Variants in PARP1 observed in about 807,000 individuals in gnomAD.
The protein encoded by PARP1 is poly [ADP-ribose] polymerase 1.
In PARP1, 44 loss-of-function variants were observed where a neutral mutation model predicts 118.7. That is an observed-to-expected ratio of 0.37 (90% confidence interval 0.29 to 0.48). PARP1 has a LOEUF of 0.48. Among genes scored for constraint, PARP1 ranks in the 20% least tolerant of loss-of-function variants. The pLI is 0.99. For synonymous variants in PARP1, 492 were observed against 483.2 expected, an observed-to-expected ratio of 1.02 and a Z score of -0.24; for missense variants, 1,100 against 1,272.4, an observed-to-expected ratio of 0.86 and a Z score of 2.06.
intron 8 of PARP1, among the ~76,000 whole-genome samples, chr1:226,382,516 G>A (rs771640625): frequency 6.6e-6 from 1 of 152,140 alleles, no homozygotes; most frequent in East Asian, 1.9e-4. Context: ...AGAGCTGCTT[G>A]TTCTTCTACA....
chr1:226,404,578 G>A (rs1315615912), intron 1 of PARP1, among the ~76,000 whole-genome samples: 2 of 152,202 alleles, frequency 1.3e-5, no homozygotes, highest in African/African-American at 4.8e-5. Context: ...CACCCTGGAG[G>A]TGCTGCCCAA....
In PARP1 at chr1:226,361,264, C is replaced by A. The variant is rs55917000; in HGVS notation, c.*196G>T. The A allele has an allele frequency of 4.4e-4, 280 of 642,210 alleles. No individual in the cohort carries two copies. The highest frequency in any genetic ancestry group is 7.0e-4 in the Non-Finnish European group (247 of 352,806). 39.8% of individuals were successfully genotyped at this position (642,210 alleles called of 1,614,324 possible). A position where few individuals can be genotyped will look rare whatever the true frequency, so the allele number is the denominator to read the frequency against. ...CAAAAACAACCCCAAAACAACCCCTCCCCACAGACACAACACAAAACAAGG... is the reference window on the plus strand; with the variant it reads ...CAAAAACAACCCCAAAACAACCCCTACCCACAGACACAACACAAAACAAGG... On this transcript the variant is annotated 3_prime_UTR_variant, in exon 23 of 23. Coordinates refer to ENST00000366794, the MANE Select transcript of PARP1 (RefSeq NM_001618.4).
Position 226,366,019 on chromosome 1 carries a change from T to C in PARP1, c.2440A>G (p.Ile814Val), listed in dbSNP as rs200630156. 35 of 1,613,520 alleles carry C rather than the reference T, an allele frequency of 2.2e-5. No homozygotes were observed. In the East Asian group the frequency reaches 7.8e-4, roughly 36 times the overall value. Residue 814 changes from isoleucine (I) to valine (V), a missense_variant, in exon 18 of 23, where the codon ATC becomes GTC. Physicochemically the swap from Ile to Val is conservative, Grantham distance 29. Around this residue, in one of 2 missense-constraint regions of PARP1, gnomAD observed 948 missense variants for 1,031.8 expected, o/e 0.92. Coordinates refer to ENST00000366794, the MANE Select transcript of PARP1 (RefSeq NM_001618.4). ...VDRDSEEAEI[I>V]RKYVKNTHAT... ...TGAGTGTTCTTAACATACTTCCTGA[T>C]GATCTCGGCTTCTTCAGAATCTCTG...
Position 226,360,883 on chromosome 1 carries a change from C to G in PARP1, c.*577G>C. On this transcript the variant is annotated 3_prime_UTR_variant, in exon 23 of 23. Coordinates refer to ENST00000366794, the MANE Select transcript of PARP1 (RefSeq NM_001618.4). ...TGGAGAAGGAAAGCTCTTTTTGTTT[C>G]TAAGTATGAGAAATTGTTAGCGTTC... is the stretch of plus-strand genomic sequence containing the variant. 4.4e-6 allele frequency: 1 copy of G among 226,950 alleles called. No individual in the cohort carries two copies. The highest frequency in any genetic ancestry group is 8.8e-6 in the Non-Finnish European group (1 of 114,202). 14.1% of individuals were successfully genotyped at this position (226,950 alleles called of 1,614,324 possible). A position where few individuals can be genotyped will look rare whatever the true frequency, so the allele number is the denominator to read the frequency against.
intron 9 of PARP1, among the ~76,000 whole-genome samples, chr1:226,380,589 C>A (rs1455381509): frequency 6.6e-6 from 1 of 152,182 alleles, no homozygotes; most frequent in Non-Finnish European, 1.5e-5. Context: ...GATATCTATG[C>A]ACATCTTACA....
Position 226,381,123 on chromosome 1 carries a change from G to A in PARP1, c.1245C>T (p.Leu415=), listed in dbSNP as rs61731503. The A allele has an allele frequency of 1.1e-3, 1,710 of 1,614,116 alleles. 17 individuals carry two copies. In the African/African-American group the frequency reaches 0.02, roughly 19 times the overall value. ...KDEVKAMIEK[L]GGKLTGTANK... The stretch of plus-strand genomic sequence containing the variant: ...TGGCCGTCCCCGTCAACTTCCCCCC[G>A]AGTTTCTCAATCATGGCCTTCACTT... Residue 415 remains leucine (L), a synonymous_variant, in exon 9 of 23, where the codon CTC becomes CTT. Transcript: ENST00000366794.
intron 2 of PARP1, chr1:226,392,671 C>A (rs1664842197): frequency 5.6e-6 from 3 of 537,362 alleles, no homozygotes; most frequent in Non-Finnish European, 9.8e-6. Context: ...TGACGTCTCA[C>A]TAAGGCTTCT....
intron 15 of PARP1, 43 bp downstream of exon 15, chr1:226,370,391 C>T: frequency 6.8e-7 from 1 of 1,470,338 alleles, no homozygotes; most frequent in Non-Finnish European, 9.5e-7. Flanking sequence ...CCTAAGTCGG[C>T]CAGAGGAGGG....
intron 1 of PARP1, among the ~76,000 whole-genome samples, chr1:226,403,060 G>A (rs576766143): frequency 6.6e-6 from 1 of 152,342 alleles, no homozygotes; most frequent in South Asian, 2.1e-4. Flanking sequence ...CTGGCCTTCT[G>A]GGGCGCAGTT....
At position 226,367,748 on chromosome 1, in the gene PARP1, T is replaced by C. The variant is rs1576391390; in HGVS notation, c.2278-140A>G. 21 of 927,402 alleles carry C rather than the reference T, an allele frequency of 2.3e-5. No homozygotes were observed. In the East Asian group the frequency reaches 5.2e-4, roughly 23 times the overall value. The allele number at this position is 927,402 out of a possible 1,614,324, so 57.4% of individuals were successfully genotyped here. ...CCTCCTGCTGGTCAGGGCCAGCCTG[T>C]TACCTGCTGCACATATTGAGAGCTC... On this transcript the variant is annotated intron_variant, in intron 16 of 22. Transcript: ENST00000366794.
At chr1:226,371,422 A>G (rs1036742557) in intron 14 of PARP1, among the ~76,000 whole-genome samples, 16 of 152,184 alleles carry the variant, frequency 1.1e-4, no homozygotes, top group African/African-American at 3.9e-4. Flanking sequence ...TGCTATGGTG[A>G]TAAAATTAAA....
At chr1:226,383,961 G>A (rs1451805301) in intron 7 of PARP1, among the ~76,000 whole-genome samples, 1 of 152,230 alleles carries the variant, frequency 6.6e-6, no homozygotes, top group African/African-American at 2.4e-5. Flanking sequence ...CCATAGTCTG[G>A]TTAAAAAGAC....
chr1:226,373,012 T>C (rs770628913), intron 14 of PARP1, among the ~76,000 whole-genome samples: 10 of 152,158 alleles, frequency 6.6e-5, no homozygotes, highest in Non-Finnish European at 1.3e-4. Context: ...TTAAACCCGT[T>C]AGAGGATGTA....
At chr1:226,407,747 T>C (rs2102750173) in intron 1 of PARP1, 63 bp downstream of exon 1, 4 of 1,324,798 alleles carry the variant, frequency 3.0e-6, no homozygotes, top group Non-Finnish European at 4.0e-6. Flanking sequence ...CCCCCAGCCT[T>C]CCCGGACACA....
intron 21 of PARP1, among the ~76,000 whole-genome samples, chr1:226,362,475 T>C (rs1664164476): frequency 1.3e-5 from 2 of 152,216 alleles, no homozygotes; most frequent in South Asian, 4.1e-4. Context: ...GCTCTATCTT[T>C]CTTCAGATAT....
intron 2 of PARP1, among the ~76,000 whole-genome samples, chr1:226,400,286 G>A (rs1665007415): frequency 1.3e-5 from 2 of 152,072 alleles, no homozygotes; most frequent in African/African-American, 2.4e-5. Context: ...GCAACAGAGT[G>A]AGACTCCATC....
intron 15 of PARP1, 137 bp downstream of exon 15, chr1:226,370,297 C>A (rs150978127): frequency 2.7e-6 from 2 of 740,396 alleles, no homozygotes; most frequent in East Asian, 2.5e-5. Flanking sequence ...TGAAAAAAAT[C>A]GAAACCCTCG....
chr1:226,403,772 G>C (rs564195406), intron 1 of PARP1, among the ~76,000 whole-genome samples: 1 of 152,222 alleles, frequency 6.6e-6, no homozygotes, highest in South Asian at 2.1e-4. Context: ...TCTGACTAAA[G>C]TAAGGGAAGT....
chr1:226,368,884 C>A (rs1415986468), intron 15 of PARP1, among the ~76,000 whole-genome samples: 2 of 152,154 alleles, frequency 1.3e-5, no homozygotes, highest in Non-Finnish European at 2.9e-5. Flanking sequence ...AAAGGGTGCA[C>A]AAAAAATGCA....
Sources: gnomAD v4.1 joint callset for allele counts (sites outside exome capture counted in the v4.1 genomes callset) on GRCh38, gnomAD v4.1.1 for gene constraint, gnomAD v4.1.1 regional missense constraint, MANE v1.5 for transcripts, NCBI Gene and HGNC (gene_info 2026-07-23, HGNC 2026-07-21) for gene names.